TBC1D1: variants seen among roughly 807,000 people sequenced by gnomAD.
TBC1D1 encodes TBC1 (tre-2/USP6, BUB2, cdc16) domain family, member 1.
TBC1D1 carries 89 observed loss-of-function variants against 125.6 expected under a neutral mutation model. The observed-to-expected ratio is 0.71, with a 90% confidence interval of 0.60 to 0.85. The LOEUF is 0.85. TBC1D1 is among the 40% of genes least tolerant of loss of function. The pLI, the probability that TBC1D1 is intolerant of heterozygous loss-of-function variation, is 0.00. For missense variants in TBC1D1, 1,377 were observed against 1,469.2 expected (o/e 0.94, Z 1.03); for synonymous variants, 565 against 564.1 (o/e 1.00, Z -0.02).
At chr4:38,093,763 C>T (rs1758855926) in intron 13 of TBC1D1, among the ~76,000 whole-genome samples, 1 of 152,088 alleles carries the variant, frequency 6.6e-6, no homozygotes, top group Non-Finnish European at 1.5e-5. Context: ...GAACTCCTGA[C>T]CTCAGGTAAT....
chr4:38,124,552 G>A (rs941041017), intron 17 of TBC1D1, among the ~76,000 whole-genome samples: 3 of 152,252 alleles, frequency 2.0e-5, no homozygotes, highest in Middle Eastern at 3.4e-3. Flanking sequence ...CAAAACAGAG[G>A]AAACAGAGAC....
chr4:38,004,277 C>T (rs1000483699), intron 2 of TBC1D1, among the ~76,000 whole-genome samples: 5 of 152,168 alleles, frequency 3.3e-5, no homozygotes, highest in Admixed American at 1.3e-4. Context: ...TGGCTCCCTC[C>T]GGATGGAATG....
At chr4:38,079,147 G>A (rs146897119) in intron 12 of TBC1D1, among the ~76,000 whole-genome samples, 86 of 152,232 alleles carry the variant, frequency 5.6e-4, no homozygotes, top group African/African-American at 2.0e-3. Context: ...CTGCTTTTCT[G>A]TAGATGCCTA....
At chr4:37,938,890 G>T (rs1724952005) in intron 2 of TBC1D1, among the ~76,000 whole-genome samples, 1 of 152,174 alleles carries the variant, frequency 6.6e-6, no homozygotes, top group Non-Finnish European at 1.5e-5. Flanking sequence ...ATTCCATGGT[G>T]TATATGGGCC....
Position 38,103,100 on chromosome 4 carries a change from T to C in TBC1D1, c.2500T>C (p.Tyr834His). 1 of 1,614,108 alleles carries C rather than the reference T, an allele frequency of 6.2e-7. No homozygotes were observed. The highest frequency in any genetic ancestry group is 8.5e-7 in the Non-Finnish European group (1 of 1,180,008). ...CAAACAGCAGCCAAAGGATGTGCCA[T>C]ACAAAGAACTCTTAAAGCAGCTGAC... Residue 834 changes from tyrosine (Y) to histidine (H), a missense_variant, in exon 15 of 20, where the codon TAC becomes CAC. Tyr to His is a moderately conservative substitution (Grantham distance 83). Transcript: ENST00000261439.
intron 2 of TBC1D1, among the ~76,000 whole-genome samples, chr4:37,961,329 A>G (rs185710003): frequency 6.8e-6 from 1 of 148,086 alleles, no homozygotes; most frequent in African/African-American, 2.5e-5. Context: ...TTCCCAGCCT[A>G]GTGTGAACCA....
chr4:37,910,545 C>G (rs971642685), intron 2 of TBC1D1, among the ~76,000 whole-genome samples: 1 of 151,836 alleles, frequency 6.6e-6, no homozygotes, highest in African/African-American at 2.4e-5. Context: ...TGCTTACTAA[C>G]AGAAAGATAA....
intron 12 of TBC1D1, among the ~76,000 whole-genome samples, chr4:38,067,513 AGG>A (rs1753947595): frequency 6.6e-6 from 1 of 152,094 alleles, no homozygotes; most frequent in Admixed American, 6.5e-5. Flanking sequence ...GCAGTATGGG[AGG>A]GTTGGGAGAC....
At chr4:38,040,599 A>G (rs1427751781) in intron 8 of TBC1D1, among the ~76,000 whole-genome samples, 5 of 152,148 alleles carry the variant, frequency 3.3e-5, no homozygotes, top group Admixed American at 6.5e-5. Context: ...TATTTTCTTT[A>G]TATATCAAAA....
chr4:37,896,199 C>T (rs73138174), intron 1 of TBC1D1, among the ~76,000 whole-genome samples: 2,438 of 152,268 alleles, frequency 0.016, 68 homozygotes, highest in African/African-American at 0.056. Flanking sequence ...CCCCTCCATT[C>T]ATCCTTTCTT....
intron 12 of TBC1D1, among the ~76,000 whole-genome samples, chr4:38,071,597 G>A (rs958563767): frequency 2.0e-5 from 3 of 152,166 alleles, no homozygotes; most frequent in African/African-American, 7.2e-5. Flanking sequence ...ATTGTGATCT[G>A]TCATTGTGTT....
chr4:37,927,500 A>G (rs1722370270), intron 2 of TBC1D1, among the ~76,000 whole-genome samples: 1 of 152,176 alleles, frequency 6.6e-6, no homozygotes, highest in Non-Finnish European at 1.5e-5. Context: ...CAAGATCCCA[A>G]GATCCACGAT....
rs1185243743 is a variant in TBC1D1 at position 38,122,255 on chromosome 4, T to A, written c.2963-2707T>A. On this transcript the variant is annotated intron_variant, in intron 17 of 19. Coordinates refer to ENST00000261439, the MANE Select transcript of TBC1D1 (RefSeq NM_015173.4). ...CATAACCTGCATCTCATTAACATCA[T>A]CTCCTTACCAGTGCACTGACCTAGT... Among the ~76,000 whole-genome samples, 6 of 152,296 alleles carry A rather than the reference T, an allele frequency of 3.9e-5. 1 individual carries two copies. In the South Asian group the frequency reaches 1.0e-3, roughly 26 times the overall value.
chr4:37,907,996 A>G (rs1321205895), intron 2 of TBC1D1, among the ~76,000 whole-genome samples: 2 of 152,192 alleles, frequency 1.3e-5, no homozygotes, highest in Non-Finnish European at 2.9e-5. Flanking sequence ...AGCACTGAGG[A>G]GCAGGTAGCA....
chr4:37,940,823 C>T (rs1452123736), intron 2 of TBC1D1, among the ~76,000 whole-genome samples: 1 of 152,054 alleles, frequency 6.6e-6, no homozygotes. Context: ...TGCTGGATTA[C>T]GTTTATTGAT....
chr4:37,928,412 T>C (rs1399622193), intron 2 of TBC1D1, among the ~76,000 whole-genome samples: 1 of 152,214 alleles, frequency 6.6e-6, no homozygotes, highest in African/African-American at 2.4e-5. Flanking sequence ...TTGGACAGGA[T>C]ATGTTGATAT....
At chr4:38,063,033 GTGTGTGCC>G (rs1553929284) in intron 12 of TBC1D1, among the ~76,000 whole-genome samples, 2 of 152,218 alleles carry the variant, frequency 1.3e-5, no homozygotes, top group African/African-American at 2.4e-5. Context: ...TAACTCTAGA[GTGTGTGCC>G]TGTGTGCCTG....
chr4:38,058,010 G>A (rs1286745677), intron 12 of TBC1D1, among the ~76,000 whole-genome samples: 4 of 152,208 alleles, frequency 2.6e-5, no homozygotes, highest in Admixed American at 2.6e-4. Flanking sequence ...TGTGTTGGGC[G>A]TGGACTCTCA....
intron 7 of TBC1D1, among the ~76,000 whole-genome samples, chr4:38,029,871 T>G (rs932049306): frequency 1.3e-5 from 2 of 152,252 alleles, no homozygotes; most frequent in African/African-American, 4.8e-5. Context: ...GCTACTTTGT[T>G]TTTTCTTAAA....
Sources: gnomAD v4.1 joint callset for allele counts (sites outside exome capture counted in the v4.1 genomes callset) on GRCh38, gnomAD v4.1.1 for gene constraint, MANE v1.5 for transcripts, NCBI Gene and HGNC (gene_info 2026-07-23, HGNC 2026-07-21) for gene names.